Variants in IQSEC1 observed in about 807,000 individuals in gnomAD.
The protein encoded by IQSEC1 is IQ motif and SEC7 domain-containing protein 1.
A neutral mutation model predicts 91.0 loss-of-function variants in IQSEC1; 31 were observed. The ratio of observed to expected loss-of-function variants is 0.34; its 90% CI spans 0.26 to 0.46. IQSEC1 has a LOEUF of 0.46. Ranked by LOEUF, IQSEC1 falls within the 20% of genes least tolerant of loss-of-function variation. IQSEC1 has a pLI of 1.00. For synonymous variants in IQSEC1, 699 were observed against 662.6 expected (o/e 1.05, Z -0.84); for missense variants, 1,388 against 1,575.6 (o/e 0.88, Z 2.02).
chr3:13,217,461 T>C (rs1694572406), intron 1 of IQSEC1, among the ~76,000 whole-genome samples: 1 of 152,218 alleles, frequency 6.6e-6, no homozygotes, highest in Admixed American at 6.5e-5. Flanking sequence ...AGTAGTCCAC[T>C]GTGTGGAAGT....
chr3:12,962,963 T>C (rs533662066), intron 1 of IQSEC1, among the ~76,000 whole-genome samples: 1 of 152,354 alleles, frequency 6.6e-6, no homozygotes, highest in Admixed American at 6.5e-5. Flanking sequence ...AAAGGCTCCA[T>C]TCATGGTGGT....
chr3:13,238,628 G>A (rs1234539718), intron 1 of IQSEC1, among the ~76,000 whole-genome samples: 2 of 152,214 alleles, frequency 1.3e-5, no homozygotes, highest in Non-Finnish European at 2.9e-5. Context: ...GCACATGGCT[G>A]GCATCACCAC....
chr3:13,170,710 T>C (rs1329911338), intron 1 of IQSEC1, among the ~76,000 whole-genome samples: 1 of 152,142 alleles, frequency 6.6e-6, no homozygotes, highest in Non-Finnish European at 1.5e-5. Flanking sequence ...GAAGCAAGAA[T>C]AAAAATAAGA....
chr3:13,109,306 A>T, intron 2 of IQSEC1, among the ~76,000 whole-genome samples: 1 of 151,998 alleles, frequency 6.6e-6, no homozygotes, highest in Non-Finnish European at 1.5e-5. Context: ...TTTCTTTCTT[A>T]AAAGAAGAGA....
intron 1 of IQSEC1, among the ~76,000 whole-genome samples, chr3:13,176,897 G>A (rs532316176): frequency 1.6e-4 from 25 of 152,380 alleles, no homozygotes; most frequent in Non-Finnish European, 3.5e-4. Context: ...TCATAAAAAG[G>A]AATGAAGTAC....
rs113470359 is a variant in IQSEC1, at chr3:13,266,581, C to CTT, written c.272+16128_272+16129dup. 8.8e-3 allele frequency among the ~76,000 whole-genome samples: 1,269 copies of CTT among 143,966 alleles called. 17 individuals are homozygous for CTT. Among genetic ancestry groups the CTT allele is most frequent in the African/African-American group, 0.03 (1,186 of 39,448 alleles). The allele number at this position is 143,966 out of a possible 152,430, so 94.4% of individuals were successfully genotyped here. A position where few individuals can be genotyped will look rare whatever the true frequency, so the allele number is the denominator to read the frequency against. ...AGCTCCGATGATGGGGAGGAAGCAG[C>CTT]TTTTTTTTTTTTTCAATAAAATCAA... On this transcript the variant is annotated intron_variant, in intron 1 of 15. Coordinates refer to the IQSEC1 transcript ENST00000648114.
At chr3:13,109,837 T>C (rs1428534692) in intron 2 of IQSEC1, among the ~76,000 whole-genome samples, 2 of 151,574 alleles carry the variant, frequency 1.3e-5, no homozygotes, top group Non-Finnish European at 2.9e-5. Context: ...AATTTCTTTA[T>C]AGCGGTGCAA....
chr3:13,091,267 G>A (rs1705856827), intron 2 of IQSEC1, among the ~76,000 whole-genome samples: 1 of 152,234 alleles, frequency 6.6e-6, no homozygotes. Context: ...CAGGCTGCTG[G>A]TTGCTGTCCT....
At chr3:13,062,660 G>A (rs1705106577) in intron 1 of IQSEC1, among the ~76,000 whole-genome samples, 1 of 152,200 alleles carries the variant, frequency 6.6e-6, no homozygotes, top group South Asian at 2.1e-4. Flanking sequence ...CCCGAACAAG[G>A]AAGGGGGTTG....
chr3:13,249,810 G>A (rs1695164845), intron 1 of IQSEC1, among the ~76,000 whole-genome samples: 1 of 152,238 alleles, frequency 6.6e-6, no homozygotes, highest in Admixed American at 6.5e-5. Context: ...CAACAGAGCA[G>A]ACGCTGCAGC....
At chr3:13,248,703 G>C (rs994524229) in intron 1 of IQSEC1, among the ~76,000 whole-genome samples, 10 of 152,218 alleles carry the variant, frequency 6.6e-5, no homozygotes, top group Non-Finnish European at 2.9e-5. Flanking sequence ...GATAGCACCT[G>C]GTGTGGCTGA....
chr3:12,963,199 G>A (rs773039240), intron 1 of IQSEC1, among the ~76,000 whole-genome samples: 1 of 152,260 alleles, frequency 6.6e-6, no homozygotes, highest in Non-Finnish European at 1.5e-5. Flanking sequence ...GGGAGGGGAC[G>A]CTTGCTATGG....
Position 12,899,554 on chromosome 3 carries a change from G to A in IQSEC1, c.*1429C>T. The A allele has an allele frequency of 6.7e-7, 1 of 1,502,880 alleles. No homozygotes were observed. Among genetic ancestry groups the A allele is most frequent in the Non-Finnish European group, 9.0e-7 (1 of 1,116,348 alleles). 93.1% of individuals were successfully genotyped at this position (1,502,880 alleles called of 1,614,324 possible). A position where few individuals can be genotyped will look rare whatever the true frequency, so the allele number is the denominator to read the frequency against. Reference sequence around the variant, plus strand: ...ACAAGAGCACAGCTGAGAGTCATGTGATGCCCTGGCAGCTCACTGGACCAT... The same window carrying A: ...ACAAGAGCACAGCTGAGAGTCATGTAATGCCCTGGCAGCTCACTGGACCAT... On this transcript the variant is annotated 3_prime_UTR_variant, in exon 14 of 14. Transcript: ENST00000613206.
rs1695262664 is a variant in IQSEC1, at chr3:12,908,738, G to A, written c.2579-213C>T. ...GAGGCTAGAGAGACCAGAGGGCCTT[G>A]TGACCTGCAGGAAGGATAGTCACCT... is the stretch of plus-strand genomic sequence containing the variant. On this transcript the variant is annotated intron_variant, in intron 11 of 13. Transcript: ENST00000613206. This position sits in a 1 kb window ranked among gnomAD's most constrained non-coding sequence, Gnocchi z 4.9. Among the ~76,000 whole-genome samples the A allele has an allele frequency of 6.6e-6, 1 of 152,114 alleles. No individual in the cohort carries two copies. The highest frequency in any genetic ancestry group is 1.5e-5 in the Non-Finnish European group (1 of 68,012).
chr3:13,201,880 C>T (rs1378590963), intron 1 of IQSEC1, among the ~76,000 whole-genome samples: 1 of 152,174 alleles, frequency 6.6e-6, no homozygotes, highest in African/African-American at 2.4e-5. Flanking sequence ...AGTCATAAAC[C>T]TTGTGGCTTT....
At chr3:13,016,148 GC>G (rs1330675897) in intron 1 of IQSEC1, among the ~76,000 whole-genome samples, 25 of 152,172 alleles carry the variant, frequency 1.6e-4, no homozygotes, top group African/African-American at 6.0e-4. Context: ...GCCAGGCAGG[GC>G]CCCCCACATC....
intron 1 of IQSEC1, among the ~76,000 whole-genome samples, chr3:13,224,255 A>G (rs1694714622): frequency 1.3e-5 from 2 of 152,148 alleles, no homozygotes; most frequent in Non-Finnish European, 2.9e-5. Flanking sequence ...GAGGGAGAAG[A>G]CAGAGGTCCT....
At chr3:13,048,943 T>C (rs1704593036) in intron 1 of IQSEC1, among the ~76,000 whole-genome samples, 1 of 152,196 alleles carries the variant, frequency 6.6e-6, no homozygotes, top group Non-Finnish European at 1.5e-5. Flanking sequence ...TCTACCTGTG[T>C]GGCAGCCATG....
chr3:13,219,389 C>A (rs1455412771), intron 1 of IQSEC1, among the ~76,000 whole-genome samples: 2 of 152,202 alleles, frequency 1.3e-5, no homozygotes, highest in African/African-American at 2.4e-5. Context: ...GCAGTGTAAC[C>A]ACCCCACAGC....
Sources: allele counts gnomAD v4.1 joint callset (sites outside exome capture counted in the v4.1 genomes callset), GRCh38; gene constraint gnomAD v4.1.1; non-coding constraint Gnocchi (gnomAD v3.1); transcripts MANE v1.5; gene names NCBI Gene and HGNC (gene_info 2026-07-23, HGNC 2026-07-21).